The following COL6A5 variants were observed in gnomAD, a reference collection of about 807,000 sequenced individuals.
COL6A5 encodes the protein collagen type VI alpha 5 chain.
COL6A5 carries 48 observed loss-of-function variants against 65.6 expected under a neutral mutation model. The ratio of observed to expected loss-of-function variants is 0.73; its 90% CI spans 0.58 to 0.93. The LOEUF (loss-of-function observed/expected upper bound fraction) is 0.93. COL6A5 is among the 40% of genes least tolerant of loss of function. The probability of loss-of-function intolerance (pLI) is 0.00; values close to 1 mark genes in which losing one functional copy is unlikely to be tolerated. For missense variants in COL6A5, 914 were observed against 928.3 expected (o/e 0.98, Z 0.20); for synonymous variants, 291 against 322.8 (o/e 0.90, Z 1.05).
chr3:130,462,127 C>G (rs902579690), intron 5 of COL6A5, among the ~76,000 whole-genome samples: 8 of 152,080 alleles, frequency 5.3e-5, no homozygotes, highest in South Asian at 4.1e-4. Context: ...TTTAATGTGT[C>G]TATATTTCCC....
exon 5 of COL6A5, chr3:130,384,902 G>A (rs1421344219): frequency 1.2e-5 from 18 of 1,550,826 alleles, no homozygotes; most frequent in Non-Finnish European, 1.6e-5. Flanking sequence ...ATTTATGTTG[G>A]AAGTGACAGA....
chr3:130,368,508 G>A (rs1190444513), intron 1 of COL6A5, among the ~76,000 whole-genome samples: 1 of 151,892 alleles, frequency 6.6e-6, no homozygotes, highest in African/African-American at 2.4e-5. Flanking sequence ...GTTTATAGGT[G>A]TTAGTGGTCG....
At chr3:130,471,727 G>C in intron 7 of COL6A5, 1 of 1,534,706 alleles carries the variant, frequency 6.5e-7, no homozygotes, top group Non-Finnish European at 8.7e-7. Flanking sequence ...ATGGTGATCT[G>C]TTTGATGAAT....
upstream of COL6A5, among the ~76,000 whole-genome samples, chr3:130,428,750 CAGTT>C (rs920530926): frequency 2.0e-5 from 3 of 152,152 alleles, no homozygotes; most frequent in Non-Finnish European, 4.4e-5. Flanking sequence ...TGTCTGATGG[CAGTT>C]AGCATCCCAG....
At chr3:130,476,346 T>C (rs1044112353) in intron 7 of COL6A5, among the ~76,000 whole-genome samples, 3 of 152,102 alleles carry the variant, frequency 2.0e-5, no homozygotes, top group African/African-American at 7.2e-5. Context: ...CTATCTTCAA[T>C]ACAGTCACAT....
At chr3:130,472,161 G>T (rs1709968849) in intron 7 of COL6A5, among the ~76,000 whole-genome samples, 1 of 152,060 alleles carries the variant, frequency 6.6e-6, no homozygotes. Flanking sequence ...TGGAGTCAGG[G>T]AATGGGGAAG....
intron 3 of COL6A5, among the ~76,000 whole-genome samples, chr3:130,377,653 G>A (rs564252648): frequency 3.9e-4 from 60 of 152,280 alleles, no homozygotes; most frequent in Middle Eastern, 6.8e-3. Flanking sequence ...CAAAGACTTC[G>A]GAGTCAGGAA....
exon 18 of COL6A5, chr3:130,409,335 G>T: frequency 6.5e-7 from 1 of 1,544,420 alleles, no homozygotes; most frequent in South Asian, 1.2e-5. Context: ...GGGCAGCCCA[G>T]GTTCCAGAGG....
At chr3:130,402,668 G>T (rs1936855385) in intron 12 of COL6A5, among the ~76,000 whole-genome samples, 2 of 152,262 alleles carry the variant, frequency 1.3e-5, no homozygotes, top group Non-Finnish European at 2.9e-5. Flanking sequence ...GGTGAATTGT[G>T]ACTGGGGACA....
At chr3:130,428,862 G>A (rs1937675083), upstream of COL6A5, among the ~76,000 whole-genome samples, 1 of 152,174 alleles carries the variant, frequency 6.6e-6, no homozygotes, top group Non-Finnish European at 1.5e-5. Context: ...TGCGTTGCCA[G>A]TATTAATAAT....
intron 1 of COL6A5, among the ~76,000 whole-genome samples, chr3:130,436,081 T>TA (rs1207698858): frequency 1.3e-5 from 2 of 152,040 alleles, no homozygotes; most frequent in Non-Finnish European, 2.9e-5. Context: ...TCTAAATTTT[T>TA]AAAAAAGTAT....
exon 23 of COL6A5, chr3:130,415,700 G>A (rs765928608): frequency 6.5e-7 from 1 of 1,547,950 alleles, no homozygotes; most frequent in Non-Finnish European, 8.7e-7. Flanking sequence ...GGGCAGAAAG[G>A]ACCTCAGGTG....
intron 1 of COL6A5, among the ~76,000 whole-genome samples, chr3:130,351,318 C>T (rs1341643074): frequency 6.6e-6 from 1 of 152,132 alleles, no homozygotes; most frequent in Non-Finnish European, 1.5e-5. Flanking sequence ...CAAATGGGAT[C>T]TAATTAAACT....
chr3:130,410,113 G>C, intron 19 of COL6A5, 39 bp downstream of exon 19: 3 of 1,386,898 alleles, frequency 2.2e-6, no homozygotes, highest in Non-Finnish European at 3.0e-6. Flanking sequence ...GATTAATTCT[G>C]TTATTGATCC....
At chr3:130,370,890 G>A (rs951554163) in intron 1 of COL6A5, among the ~76,000 whole-genome samples, 1 of 152,170 alleles carries the variant, frequency 6.6e-6, no homozygotes, top group African/African-American at 2.4e-5. Flanking sequence ...AAGAATGGGA[G>A]CAGAGCTAAG....
At chr3:130,469,280 T>C (rs780923995) in exon 6 of COL6A5, 2 of 1,613,052 alleles carry the variant, frequency 1.2e-6, no homozygotes, top group Non-Finnish European at 1.7e-6. Flanking sequence ...CAAAGACGTC[T>C]TAAGGAATGT....
chr3:130,429,495 GTT>G, upstream of COL6A5: 1 of 1,290,526 alleles, frequency 7.7e-7, no homozygotes, highest in African/African-American at 1.5e-5. Flanking sequence ...TTTCAGCTTT[GTT>G]AAAATGTTGT....
In COL6A5 at chr3:130,470,996, A is replaced by G. The variant is rs759370617; in HGVS notation, c.2328+29A>G. ...AGTTGAGAAATTCCAAGTTTGGGTAATACCACAACTGGAAACAGTTCTTAA... is the reference window on the plus strand; with the variant it reads ...AGTTGAGAAATTCCAAGTTTGGGTAGTACCACAACTGGAAACAGTTCTTAA... On this transcript the variant is annotated intron_variant, in intron 7 of 7. Coordinates refer to ENST00000512836, the Ensembl canonical transcript of COL6A5. 2.0e-6 allele frequency: 3 copies of G among 1,466,966 alleles called. No individual in the cohort carries two copies. In the Admixed American group the frequency reaches 5.1e-5, roughly 25 times the overall value. The allele number at this position is 1,466,966 out of a possible 1,614,324, so 90.9% of individuals were successfully genotyped here.
At position 130,422,799 on chromosome 3, in the gene COL6A5, T is replaced by A. The variant is rs755196039; in HGVS notation, c.5100+17T>A. The A allele has an allele frequency of 1.1e-5, 16 of 1,419,490 alleles. No homozygotes were observed. The highest frequency in any genetic ancestry group is 1.5e-5 in the African/African-American group (1 of 67,164). The allele number at this position is 1,419,490 out of a possible 1,614,324, so 87.9% of individuals were successfully genotyped here. A position where few individuals can be genotyped will look rare whatever the true frequency, so the allele number is the denominator to read the frequency against. On this transcript the variant is annotated intron_variant and NMD_transcript_variant, in intron 28 of 41. Coordinates refer to the COL6A5 transcript ENST00000312481. ...GGACTAGCAGTAAGTAGCCTATAAT[T>A]CCAGAAATGATAAATATTCCTTTGG...
Sources: gnomAD v4.1 joint callset for allele counts (sites outside exome capture counted in the v4.1 genomes callset) on GRCh38, gnomAD v4.1.1 for gene constraint, MANE v1.5 for transcripts, NCBI Gene and HGNC (gene_info 2026-07-23, HGNC 2026-07-21) for gene names.